Variants in S100PBP observed in about 807,000 individuals in gnomAD.
The protein encoded by S100PBP is S100P-binding protein.
A neutral mutation model predicts 39.9 loss-of-function variants in S100PBP; 15 were observed. The ratio of observed to expected loss-of-function variants is 0.38; its 90% CI spans 0.25 to 0.58. The LOEUF (loss-of-function observed/expected upper bound fraction) is 0.58, where lower values mean the gene tolerates loss of function less well. Ranked by LOEUF, S100PBP falls within the 20% of genes least tolerant of loss-of-function variation. S100PBP has a pLI of 0.70. For synonymous variants in S100PBP, 178 were observed against 180.3 expected, an observed-to-expected ratio of 0.99 and a Z score of 0.10; for missense variants, 504 against 487.3, an observed-to-expected ratio of 1.03 and a Z score of -0.32.
rs1639344559 is a variant in S100PBP at position 32,826,693 on chromosome 1, AG to A, written c.597del (p.Ile200SerfsTer67). On this transcript the variant is annotated frameshift_variant, in exon 3 of 7. Coordinates refer to ENST00000373475, the MANE Select transcript of S100PBP (RefSeq NM_022753.4). LOFTEE classifies it high-confidence loss of function. ...NESKLCTESE[G>X]ISPNNSAWNG... ...AAAGCAAACTTTGTACTGAATCTGA[AG>A]GGATCAGCCCCAATAACTCTGCCTG... 6.2e-7 allele frequency: 1 copy of A among 1,614,080 alleles called. No homozygotes were observed. The highest frequency in any genetic ancestry group is 1.3e-5 in the African/African-American group (1 of 74,940).
chr1:32,818,542 A>G (rs1304349302), intron 1 of S100PBP: 1 of 152,334 alleles, frequency 6.6e-6, no homozygotes, highest in Non-Finnish European at 1.5e-5. Flanking sequence ...AAGCTCTACC[A>G]GACCTGCCTG....
At chr1:32,824,827 C>CACATATATATATATATATATATATAT (rs1308786898) in intron 1 of S100PBP, 1 of 129,594 alleles carries the variant, frequency 7.7e-6, no homozygotes, top group African/African-American at 3.2e-5. Flanking sequence ...TTTTTCTATA[C>CACATATATATATATATATATATATAT]ATATATATAT....
intron 1 of S100PBP, chr1:32,818,243 G>T (rs1479114551): frequency 6.6e-6 from 1 of 152,416 alleles, no homozygotes; most frequent in Non-Finnish European, 1.5e-5. Context: ...GCGGGAATTC[G>T]CGGTGTCCCC....
intron 5 of S100PBP, among the ~76,000 whole-genome samples, chr1:32,832,749 C>A (rs896429870): frequency 6.6e-6 from 1 of 152,150 alleles, no homozygotes; most frequent in Non-Finnish European, 1.5e-5. Flanking sequence ...ATGTTTATTG[C>A]ATTTAACCTT....
In S100PBP at chr1:32,858,163, C is replaced by G. The variant is rs1032303996; in HGVS notation, c.*2125C>G. Reference sequence around the variant, plus strand: ...TGTAGTCTAGTTCCCTACAGAAAACCCAAGGAGTGAAGGGACAGGATTTTG... The same window carrying G: ...TGTAGTCTAGTTCCCTACAGAAAACGCAAGGAGTGAAGGGACAGGATTTTG... On this transcript the variant is annotated 3_prime_UTR_variant, in exon 7 of 7. Transcript: ENST00000373475. 6.6e-6 allele frequency: 1 copy of G among 152,528 alleles called. No homozygotes were observed. The highest frequency in any genetic ancestry group is 2.4e-5 in the African/African-American group (1 of 41,410). The allele number at this position is 152,528 out of a possible 1,614,324, so 9.4% of individuals were successfully genotyped here.
At chr1:32,836,443 T>G in intron 5 of S100PBP, 3 of 727,652 alleles carry the variant, frequency 4.1e-6, no homozygotes, top group Non-Finnish European at 5.0e-6. Context: ...GTGTTTTTGT[T>G]TTTGTTTGTT....
chr1:32,856,246 T>C lies in S100PBP; in HGVS notation c.*208T>C. 1 of 387,182 alleles carries C rather than the reference T, an allele frequency of 2.6e-6. No homozygotes were observed. The highest frequency in any genetic ancestry group is 3.2e-5 in the South Asian group (1 of 30,830). 24.0% of individuals were successfully genotyped at this position (387,182 alleles called of 1,614,324 possible). The stretch of plus-strand genomic sequence containing the variant: ...TCCCTCCTGATTTTGTGTGTGTGTG[T>C]CTGTGTTTAAGCAAGCGTTCGGTTG... On this transcript the variant is annotated 3_prime_UTR_variant, in exon 7 of 7. Coordinates refer to ENST00000373475, the MANE Select transcript of S100PBP (RefSeq NM_022753.4).
chr1:32,824,314 T>C (rs1183543551), intron 1 of S100PBP, among the ~76,000 whole-genome samples: 1 of 152,206 alleles, frequency 6.6e-6, no homozygotes, highest in East Asian at 1.9e-4. Flanking sequence ...CAAGTACTTT[T>C]CCAAATTTTT....
At chr1:32,824,971 G>A (rs1639260984) in intron 1 of S100PBP, 1 of 151,916 alleles carries the variant, frequency 6.6e-6, no homozygotes, top group Admixed American at 6.6e-5. Flanking sequence ...AAATGGTCAA[G>A]TGGCATACCC....
rs1450827587 is a variant in S100PBP at position 32,829,965 on chromosome 1, A to T, written c.922A>T (p.Thr308Ser). The T allele has an allele frequency of 6.2e-6, 10 of 1,611,576 alleles. No individual in the cohort carries two copies. The highest frequency in any genetic ancestry group is 8.5e-6 in the Non-Finnish European group (10 of 1,177,916). Residue 308 changes from threonine (T) to serine (S), a missense_variant and splice_region_variant, in exon 5 of 7, where the codon ACT becomes TCT. Physicochemically the swap from Thr to Ser is moderately conservative, Grantham distance 58. Coordinates refer to ENST00000373475, the MANE Select transcript of S100PBP (RefSeq NM_022753.4). ...TTTTTCTGGTTTGCTTTATTCAAGG[A>T]CTAATGTTCCGACGTTTTCACAGTC... is the stretch of plus-strand genomic sequence containing the variant. ...VIPVLQTKTR[T>S]NVPTFSQSNL...
intron 5 of S100PBP, among the ~76,000 whole-genome samples, chr1:32,834,215 A>T (rs4951773): frequency 0.99 from 150,389 of 152,312 alleles, 74,275 homozygotes; most frequent in East Asian, 1. Context: ...TTGTTTATTG[A>T]TAATTTATAT....
At chr1:32,848,267 A>G (rs942562363) in intron 5 of S100PBP, among the ~76,000 whole-genome samples, 7 of 152,146 alleles carry the variant, frequency 4.6e-5, no homozygotes, top group African/African-American at 1.7e-4. Flanking sequence ...ATATCGAGTC[A>G]CTGCACTCCA....
chr1:32,832,136 T>C (rs916360289), intron 5 of S100PBP, among the ~76,000 whole-genome samples: 2 of 152,208 alleles, frequency 1.3e-5, no homozygotes, highest in African/African-American at 4.8e-5. Context: ...TAAATATTGA[T>C]TTGTAAAATT....
intron 6 of S100PBP, among the ~76,000 whole-genome samples, 152 bp from the exon 7 acceptor site, chr1:32,855,771 AT>A (rs1640793408): frequency 6.6e-6 from 1 of 152,216 alleles, no homozygotes; most frequent in South Asian, 2.1e-4. Context: ...ATAGTATAAA[AT>A]TTCTAAAATT....
At chr1:32,826,964 T>C in intron 3 of S100PBP, 34 bp downstream of exon 3, 1 of 1,409,786 alleles carries the variant, frequency 7.1e-7, no homozygotes, top group Non-Finnish European at 9.6e-7. Context: ...AAGAGAAAAA[T>C]GAAATTATTT....
chr1:32,853,478 A>G (rs1212349881), intron 6 of S100PBP, among the ~76,000 whole-genome samples: 3 of 77,852 alleles, frequency 3.9e-5, no homozygotes, highest in Non-Finnish European at 7.5e-5. Context: ...CTAAAAAAAA[A>G]AAAAGAAAAG....
rs754930615 is a variant in S100PBP, at chr1:32,828,065, C to CTACAAACTAAT, written c.914_915insTTACAAACTAA (p.Lys305AsnfsTer18). The CTACAAACTAAT allele has an allele frequency of 1.0e-5, 16 of 1,598,948 alleles. No homozygotes were observed. The highest frequency in any genetic ancestry group is 1.4e-5 in the Non-Finnish European group (16 of 1,166,898). ...AAGACTAGGCAAAGTCATTCCTGTTCTACAAACTAAGACCAGGTAATGTAA... is the reference window on the plus strand; with the variant it reads ...AAGACTAGGCAAAGTCATTCCTGTTCTACAAACTAATTACAAACTAAGACCAGGTAATGTAA... On this transcript the variant is annotated frameshift_variant, in exon 4 of 7. Coordinates refer to ENST00000373475, the MANE Select transcript of S100PBP (RefSeq NM_022753.4). LOFTEE classifies it high-confidence loss of function.
intron 4 of S100PBP, among the ~76,000 whole-genome samples, chr1:32,828,457 T>A (rs1211988787): frequency 1.3e-5 from 2 of 151,990 alleles, no homozygotes; most frequent in Non-Finnish European, 2.9e-5. Flanking sequence ...TAGTAGAAAA[T>A]CATTTTGTTG....
chr1:32,829,742 A>T (rs1477391159), intron 4 of S100PBP, among the ~76,000 whole-genome samples: 3 of 152,212 alleles, frequency 2.0e-5, no homozygotes, highest in Non-Finnish European at 1.5e-5. Flanking sequence ...TACAGGTGTG[A>T]GCCACCACAC....
Sources: gnomAD v4.1 joint callset for allele counts (sites outside exome capture counted in the v4.1 genomes callset) on GRCh38, gnomAD v4.1.1 for gene constraint, MANE v1.5 for transcripts, NCBI Gene and HGNC (gene_info 2026-07-23, HGNC 2026-07-21) for gene names.